The following COL12A1 variants were observed in gnomAD, a reference collection of about 807,000 sequenced individuals.
COL12A1 encodes the protein collagen alpha-1(XII) chain.
A neutral mutation model predicts 349.7 loss-of-function variants in COL12A1; 114 were observed. The observed-to-expected ratio is 0.33, with a 90% CI of 0.28 to 0.38. The LOEUF is 0.38. Ranked by LOEUF, COL12A1 falls within the 10% of genes least tolerant of loss-of-function variation. COL12A1 has a pLI of 1.00. For synonymous variants in COL12A1, 1,369 were observed against 1,329.0 expected, an observed-to-expected ratio of 1.03 and a Z score of -0.66; for missense variants, 3,284 against 3,756.9, an observed-to-expected ratio of 0.87 and a Z score of 3.29.
intron 1 of COL12A1, among the ~76,000 whole-genome samples, chr6:75,203,425 A>G (rs2149493294): frequency 6.6e-6 from 1 of 152,342 alleles, no homozygotes; most frequent in Non-Finnish European, 1.5e-5. Flanking sequence ...CATCTGATAA[A>G]TCCTTTACCT....
intron 58 of COL12A1, 50 bp downstream of exon 58, chr6:75,101,550 C>T (rs774905347): frequency 1.9e-6 from 3 of 1,559,272 alleles, no homozygotes; most frequent in Non-Finnish European, 1.8e-6. Flanking sequence ...TAATAGGCAA[C>T]CATATGACAT....
At chr6:75,145,630 GTTTGT>G (rs1227421292) in intron 24 of COL12A1, among the ~76,000 whole-genome samples, 175 bp from the exon 25 acceptor site, 2 of 96,890 alleles carry the variant, frequency 2.1e-5, no homozygotes, top group Non-Finnish European at 4.2e-5. Flanking sequence ...TTTTTTTTTG[GTTTGT>G]TTTGTTTTGT....
In COL12A1 at chr6:75,117,560, T is replaced by C. The variant is rs1224787032; in HGVS notation, c.7355-14A>G. On this transcript the variant is annotated splice_polypyrimidine_tract_variant and intron_variant, in intron 46 of 65. Coordinates refer to ENST00000322507, the MANE Select transcript of COL12A1 (RefSeq NM_004370.6). Reference sequence around the variant, plus strand: ...AGACACTGAACCCTGCAAAGTAGCATTTATAGAATGAATCACGTATCTCTT... The same window carrying C: ...AGACACTGAACCCTGCAAAGTAGCACTTATAGAATGAATCACGTATCTCTT... The C allele has an allele frequency of 6.2e-7, 1 of 1,605,520 alleles. No individual in the cohort carries two copies. Among genetic ancestry groups the C allele is most frequent in the Non-Finnish European group, 8.5e-7 (1 of 1,173,628 alleles).
At chr6:75,131,607 T>C (rs1766303795) in intron 35 of COL12A1, among the ~76,000 whole-genome samples, 1 of 152,220 alleles carries the variant, frequency 6.6e-6, no homozygotes, top group Non-Finnish European at 1.5e-5. Flanking sequence ...CTGAATAATG[T>C]TATGAATGAA....
chr6:75,102,801 T>A (rs1247730315), intron 55 of COL12A1, 109 bp from the exon 56 acceptor site: 6 of 537,292 alleles, frequency 1.1e-5, no homozygotes, highest in Non-Finnish European at 1.5e-5. Context: ...TCATATAATC[T>A]TTGTAAACTT....
At position 75,175,305 on chromosome 6, in the gene COL12A1, C is replaced by T; in HGVS notation, c.2443G>A (p.Gly815Arg). 6.2e-7 allele frequency: 1 copy of T among 1,605,714 alleles called. No individual in the cohort carries two copies. Among genetic ancestry groups the T allele is most frequent in the African/African-American group, 1.3e-5 (1 of 74,504 alleles). Residue 815 changes from glycine to arginine, a missense_variant, in exon 13 of 66, where the codon GGG becomes AGG. Physicochemically the swap from Gly to Arg is moderately radical, Grantham distance 125 (BLOSUM62 -2). Coordinates refer to ENST00000322507, the MANE Select transcript of COL12A1 (RefSeq NM_004370.6). ...GAAACTCTTAAGTCTCTTGGATTCC[C>T]TCTAACTTCATTAAAAAATGACAAC... is the stretch of plus-strand genomic sequence containing the variant. The part of the protein sequence containing the change: ...TGNAATEEVR[G>R]NPRDLRVSDP...
chr6:75,088,797 G>A lies in COL12A1; in HGVS notation c.9010+309C>T, dbSNP rs145375576. Among the ~76,000 whole-genome samples the A allele has an allele frequency of 2.8e-4, 43 of 151,962 alleles. No homozygotes were observed. In the East Asian group the frequency reaches 7.2e-3, roughly 25 times the overall value. On this transcript the variant is annotated intron_variant, in intron 64 of 65. Coordinates refer to ENST00000322507, the MANE Select transcript of COL12A1 (RefSeq NM_004370.6). ...GGGAAGATCATGAGGTCAGGAGATC[G>A]AGACCATCCTGGCTAACACGGCAAA... is the stretch of plus-strand genomic sequence containing the variant.
Position 75,116,242 on chromosome 6 carries a change from T to C in COL12A1, c.7520-185A>G, listed in dbSNP as rs534108689. On this transcript the variant is annotated intron_variant, in intron 47 of 65. Transcript: ENST00000322507. ...TTTCCTACGTGTAGGAGAAATACTA[T>C]TAACCAGTGTAACAAATATTTCCCT... 3.3e-5 allele frequency among the ~76,000 whole-genome samples: 5 copies of C among 152,310 alleles called. No individual in the cohort carries two copies. The South Asian group carries it at 8.3e-4, about 25-fold the overall frequency.
At chr6:75,092,320 T>A (rs1359540191) in intron 60 of COL12A1, among the ~76,000 whole-genome samples, 3 of 152,088 alleles carry the variant, frequency 2.0e-5, no homozygotes, top group Non-Finnish European at 4.4e-5. Context: ...ATTCTGCACA[T>A]GTACCCCAGA....
intron 26 of COL12A1, among the ~76,000 whole-genome samples, chr6:75,143,023 T>A (rs543585796): frequency 1.3e-4 from 20 of 152,234 alleles, no homozygotes; most frequent in Admixed American, 2.6e-4. Flanking sequence ...TACCAAGGGA[T>A]GATCTTTTTG....
At chr6:75,142,420 A>G (rs1298436823) in intron 26 of COL12A1, among the ~76,000 whole-genome samples, 1 of 151,886 alleles carries the variant, frequency 6.6e-6, no homozygotes, top group African/African-American at 2.4e-5. Flanking sequence ...AAACCTAACC[A>G]TTTTTCCACC....
chr6:75,186,381 T>C (rs756045161), intron 8 of COL12A1, among the ~76,000 whole-genome samples: 14 of 152,158 alleles, frequency 9.2e-5, no homozygotes, highest in Non-Finnish European at 1.0e-4. Context: ...TCAACATTAC[T>C]GATTATTAGA....
In COL12A1 at chr6:75,137,523, T is replaced by A; in HGVS notation, c.5308A>T (p.Thr1770Ser). 1 of 1,613,680 alleles carries A rather than the reference T, an allele frequency of 6.2e-7. No homozygotes were observed. The highest frequency in any genetic ancestry group is 8.5e-7 in the Non-Finnish European group (1 of 1,179,684). The change falls in exon 31 of 66, where the codon ACT becomes TCT. Residue 1770 changes from threonine to serine, a missense_variant. By Grantham distance (58) the Thr-to-Ser change is moderately conservative (BLOSUM62 1). Around this residue, in one of 2 missense-constraint regions of COL12A1, gnomAD observed 2,601 missense variants for 2,824.8 expected, o/e 0.92. Coordinates refer to ENST00000322507, the MANE Select transcript of COL12A1 (RefSeq NM_004370.6). ...QVYNATSNSL[T>S]VKWDPASGRV... Reference sequence around the variant, plus strand: ...CCACTAGCAGGATCCCACTTAACAGTCAGGCTGTTAGATGTTGCATTGTAC... The same window carrying A: ...CCACTAGCAGGATCCCACTTAACAGACAGGCTGTTAGATGTTGCATTGTAC...
chr6:75,086,503 C>A lies in COL12A1; in HGVS notation c.*44G>T. On this transcript the variant is annotated 3_prime_UTR_variant, in exon 66 of 66. Transcript: ENST00000322507. ...GCAAACATCTCAGAAACAGGATTTT[C>A]ATGTATTCAAACTGTAAGCAGCACT... is the stretch of plus-strand genomic sequence containing the variant. 6.3e-7 allele frequency: 1 copy of A among 1,580,436 alleles called. No individual in the cohort carries two copies. The highest frequency in any genetic ancestry group is 8.6e-7 in the Non-Finnish European group (1 of 1,157,720).
At chr6:75,145,611 C>CTTTTTTTTTTTTTTTTTTTGTTTTTTTT in intron 24 of COL12A1, among the ~76,000 whole-genome samples, 156 bp from the exon 25 acceptor site, 1 of 121,194 alleles carries the variant, frequency 8.3e-6, no homozygotes, top group East Asian at 2.4e-4. Context: ...CTGATGTTTT[C>CTTTTTTTTTTTTTTTTTTTGTTTTTTTT]TTTTTTTTTT....
chr6:75,130,500 C>G (rs1766248132), intron 36 of COL12A1, among the ~76,000 whole-genome samples: 2 of 152,264 alleles, frequency 1.3e-5, no homozygotes, highest in South Asian at 4.1e-4. Context: ...ATAACTATAT[C>G]TATTCAATAA....
intron 11 of COL12A1, among the ~76,000 whole-genome samples, chr6:75,179,491 G>A (rs1245588774): frequency 6.7e-6 from 1 of 149,824 alleles, no homozygotes; most frequent in Non-Finnish European, 1.5e-5. Context: ...GGACTTCTTA[G>A]ACCATTTAGT....
chr6:75,196,908 G>C (rs1326894788), intron 2 of COL12A1, among the ~76,000 whole-genome samples: 1 of 152,222 alleles, frequency 6.6e-6, no homozygotes, highest in African/African-American at 2.4e-5. Context: ...CAGGATTCCA[G>C]ATAAACTGAA....
Position 75,085,279 on chromosome 6 carries a change from C to A in COL12A1, c.*1268G>T, listed in dbSNP as rs892372834. The stretch of plus-strand genomic sequence containing the variant: ...GCAGGCTCGTCTGCGCCGTAGTCCT[C>A]GTATTCCGCTGTCCGCTCGGGCTCC... On this transcript the variant is annotated 3_prime_UTR_variant, in exon 66 of 66. Coordinates refer to ENST00000322507, the MANE Select transcript of COL12A1 (RefSeq NM_004370.6). 4.2e-6 allele frequency: 2 copies of A among 470,960 alleles called. No homozygotes were observed. Among genetic ancestry groups the A allele is most frequent in the Non-Finnish European group, 8.8e-6 (2 of 227,066 alleles). The allele number at this position is 470,960 out of a possible 1,614,324, so 29.2% of individuals were successfully genotyped here.
Sources: gnomAD v4.1 joint callset for allele counts (sites outside exome capture counted in the v4.1 genomes callset) on GRCh38, gnomAD v4.1.1 for gene constraint, gnomAD v4.1.1 regional missense constraint, MANE v1.5 for transcripts, NCBI Gene and HGNC (gene_info 2026-07-23, HGNC 2026-07-21) for gene names.